The following OCRL variants were observed in gnomAD, a reference collection of about 807,000 sequenced individuals.
The protein encoded by OCRL is OCRL inositol polyphosphate-5-phosphatase, also known as inositol polyphosphate 5-phosphatase OCRL.
In OCRL, 8 loss-of-function variants were observed where a neutral mutation model predicts 78.9. The ratio of observed to expected loss-of-function variants is 0.10; its 90% CI spans 0.06 to 0.18. The LOEUF is 0.18. OCRL is among the 10% of genes least tolerant of loss of function. OCRL has a pLI of 1.00. For missense variants in OCRL, 454 were observed against 696.7 expected (o/e 0.65, Z 3.92); for synonymous variants, 240 against 235.4 (o/e 1.02, Z -0.18).
chrX:129,573,440 C>T (rs1434247204), intron 15 of OCRL, among the ~76,000 whole-genome samples: 3 of 111,710 alleles, frequency 2.7e-5, no homozygotes, highest in African/African-American at 9.8e-5. Context: ...TCCATGTGTT[C>T]TCATTCTTCA....
chrX:129,566,399 G>A (rs1438976912), intron 13 of OCRL, among the ~76,000 whole-genome samples: 1 of 112,521 alleles, frequency 8.9e-6, no homozygotes, highest in African/African-American at 3.2e-5. Flanking sequence ...ATGATAAGTT[G>A]AAGCTAGCTG....
intron 14 of OCRL, among the ~76,000 whole-genome samples, chrX:129,568,670 G>A (rs1313718666): frequency 8.9e-6 from 1 of 112,276 alleles, no homozygotes; most frequent in African/African-American, 3.2e-5. Flanking sequence ...GGTATTCTGT[G>A]GACTGACATT....
chrX:129,541,511 C>A (rs1356809507), intron 2 of OCRL, among the ~76,000 whole-genome samples: 1 of 112,109 alleles, frequency 8.9e-6, no homozygotes, highest in Non-Finnish European at 1.9e-5. Context: ...ATACTGTTGA[C>A]TGATTGATCA....
chrX:129,540,528 G>A, intron 1 of OCRL, 50 bp downstream of exon 1: 1 of 1,103,438 alleles, frequency 9.1e-7, no homozygotes, highest in Non-Finnish European at 1.2e-6. Context: ...GCCGGGGGTG[G>A]GGGTCGGGGG....
chrX:129,542,430 AC>A (rs1935820706), intron 2 of OCRL, among the ~76,000 whole-genome samples: 1 of 98,774 alleles, frequency 1.0e-5, no homozygotes, highest in Non-Finnish European at 2.3e-5. Flanking sequence ...ATATATATAA[AC>A]TATAGTTTTA....
At chrX:129,541,203 G>A (rs1431119818) in intron 2 of OCRL, among the ~76,000 whole-genome samples, 1 of 112,314 alleles carries the variant, frequency 8.9e-6, no homozygotes, top group Non-Finnish European at 1.9e-5. Context: ...AATTATAACT[G>A]GGGGAAAAAT....
At position 129,591,112 on chromosome X, in the gene OCRL, G is replaced by C. The variant is rs1448766236; in HGVS notation, c.*842G>C. ...ACAAGGACTAATCCTGGGTGTCTCT[G>C]AGACCCATCTCCTGCCTAGACATCC... On this transcript the variant is annotated 3_prime_UTR_variant, in exon 24 of 24. Coordinates refer to ENST00000371113, the MANE Select transcript of OCRL (RefSeq NM_000276.4). 8.8e-6 allele frequency: 1 copy of C among 113,651 alleles called. No homozygotes were observed. Among genetic ancestry groups the C allele is most frequent in the Non-Finnish European group, 1.9e-5 (1 of 53,301 alleles). The allele number at this position is 113,651 out of a possible 1,213,427, so 9.4% of individuals were successfully genotyped here.
chrX:129,548,634 C>G (rs1282181164), intron 4 of OCRL, 33 bp downstream of exon 4: 8 of 1,121,368 alleles, frequency 7.1e-6, no homozygotes, highest in Middle Eastern at 2.4e-4. Flanking sequence ...TTGATTTTTA[C>G]TCAACAAATA....
intron 4 of OCRL, among the ~76,000 whole-genome samples, chrX:129,553,835 A>G (rs971185487): frequency 9.0e-6 from 1 of 111,433 alleles, no homozygotes; most frequent in Middle Eastern, 4.2e-3. Context: ...GTAGGACCTT[A>G]GGTTGCTTCC....
At chrX:129,585,846 G>A (rs769292198) in intron 19 of OCRL, among the ~76,000 whole-genome samples, 2 of 112,077 alleles carry the variant, frequency 1.8e-5, no homozygotes, top group African/African-American at 3.2e-5. Flanking sequence ...CAGCTCGGCT[G>A]TAGTGTATGT....
chrX:129,580,817 A>G (rs1936429189), intron 18 of OCRL, among the ~76,000 whole-genome samples: 1 of 112,200 alleles, frequency 8.9e-6, no homozygotes, highest in Admixed American at 9.4e-5. Context: ...TCTCTATTTC[A>G]TATGAACTAA....
In OCRL at chrX:129,588,876, G is replaced by A. The variant is rs773756884; in HGVS notation, c.2342-10G>A. 1.7e-6 allele frequency: 2 copies of A among 1,211,405 alleles called. No homozygotes were observed. Among genetic ancestry groups the A allele is most frequent in the Non-Finnish European group, 2.2e-6 (2 of 895,422 alleles). On this transcript the variant is annotated splice_polypyrimidine_tract_variant and intron_variant, in intron 21 of 23. Coordinates refer to ENST00000371113, the MANE Select transcript of OCRL (RefSeq NM_000276.4). ...CTGGAGCTCCTTTCCCTTGACTTAA[G>A]TTGATTCAGCTGGCAGCAACCACTC...
chrX:129,550,248 TG>T (rs1018058844), intron 4 of OCRL, among the ~76,000 whole-genome samples: 1 of 112,631 alleles, frequency 8.9e-6, no homozygotes, highest in African/African-American at 3.2e-5. Flanking sequence ...ATCACCACTG[TG>T]GTTAACATTT....
intron 4 of OCRL, among the ~76,000 whole-genome samples, chrX:129,552,581 C>T (rs1295374239): frequency 1.8e-5 from 2 of 111,909 alleles, no homozygotes; most frequent in African/African-American, 6.5e-5. Context: ...CCCGCCACCA[C>T]GCCCAGCTGA....
At chrX:129,541,626 C>T (rs1458653793) in intron 2 of OCRL, among the ~76,000 whole-genome samples, 1 of 112,156 alleles carries the variant, frequency 8.9e-6, no homozygotes, top group African/African-American at 3.2e-5. Flanking sequence ...ATCATAGGCC[C>T]CTATCCCTGT....
intron 15 of OCRL, 49 bp from the exon 16 acceptor site, chrX:129,575,091 G>A: frequency 2.3e-6 from 2 of 872,958 alleles, no homozygotes; most frequent in East Asian, 3.1e-5. Flanking sequence ...CTCCAAGGGA[G>A]ATGAGCTAGA....
At chrX:129,543,827 C>T (rs909459773) in intron 2 of OCRL, among the ~76,000 whole-genome samples, 5 of 112,255 alleles carry the variant, frequency 4.5e-5, no homozygotes, top group African/African-American at 6.5e-5. Flanking sequence ...AAAAATTCAC[C>T]GCTGCTTATA....
rs772086186 is a variant in OCRL at position 129,551,628 on chromosome X, A to G, written c.238+3027A>G. On this transcript the variant is annotated intron_variant, in intron 4 of 23. Coordinates refer to ENST00000371113, the MANE Select transcript of OCRL (RefSeq NM_000276.4). ...TTTTTGTGTTTTTAGTGAAGACAGG[A>G]TTTCACCATGTTAGCCAGGATGGTC... is the stretch of plus-strand genomic sequence containing the variant. Among the ~76,000 whole-genome samples the G allele has an allele frequency of 9.0e-5, 10 of 111,616 alleles. No individual in the cohort carries two copies. The South Asian group carries it at 3.4e-3, about 38-fold the overall frequency.
intron 12 of OCRL, 100 bp from the exon 13 acceptor site, chrX:129,565,672 G>A: frequency 1.6e-6 from 1 of 624,807 alleles, no homozygotes; most frequent in Non-Finnish European, 2.7e-6. Context: ...AGTGGTGAGT[G>A]AGCCCTTATC....
Sources: allele counts gnomAD v4.1 joint callset (sites outside exome capture counted in the v4.1 genomes callset), GRCh38; gene constraint gnomAD v4.1.1; transcripts MANE v1.5; gene names NCBI Gene and HGNC (gene_info 2026-07-23, HGNC 2026-07-21).